The following PCCA variants were observed in gnomAD, a reference collection of about 807,000 sequenced individuals.
The protein encoded by PCCA is propionyl-CoA carboxylase subunit alpha.
Under a neutral mutation model 101.3 loss-of-function variants are expected in PCCA, and 74 were observed. That is an observed-to-expected ratio of 0.73 (90% confidence interval 0.61 to 0.89). The LOEUF (loss-of-function observed/expected upper bound fraction) is 0.89, where lower values mean the gene tolerates loss of function less well. Among genes scored for constraint, PCCA ranks in the 40% least tolerant of loss-of-function variants. The probability of loss-of-function intolerance (pLI) is 0.00; values close to 1 mark genes in which losing one functional copy is unlikely to be tolerated. For synonymous variants in PCCA, 294 were observed against 313.6 expected, an observed-to-expected ratio of 0.94 and a Z score of 0.66; for missense variants, 891 against 907.0, an observed-to-expected ratio of 0.98 and a Z score of 0.23.
chr13:100,511,175 T>A (rs2086450323), intron 21 of PCCA, among the ~76,000 whole-genome samples: 1 of 152,216 alleles, frequency 6.6e-6, no homozygotes, highest in Non-Finnish European at 1.5e-5. Flanking sequence ...CACTGAACTG[T>A]TTTAACTCAT....
intron 19 of PCCA, among the ~76,000 whole-genome samples, chr13:100,396,881 T>G (rs557005891): frequency 5.5e-4 from 84 of 152,212 alleles, no homozygotes; most frequent in African/African-American, 1.8e-3. Flanking sequence ...GAAAGCTGCT[T>G]CTTCTGCCTC....
At chr13:100,504,502 G>C (rs1312386601) in intron 21 of PCCA, among the ~76,000 whole-genome samples, 1 of 152,206 alleles carries the variant, frequency 6.6e-6, no homozygotes, top group East Asian at 1.9e-4. Context: ...GACCCACCCA[G>C]ACAGCCTCCA....
chr13:100,505,176 T>C (rs755976609), intron 21 of PCCA, among the ~76,000 whole-genome samples: 1 of 152,214 alleles, frequency 6.6e-6, no homozygotes, highest in East Asian at 1.9e-4. Context: ...TTCTTAGTAA[T>C]CCTTGAATAC....
intron 8 of PCCA, among the ~76,000 whole-genome samples, chr13:100,250,385 G>A (rs552872872): frequency 2.6e-5 from 4 of 152,022 alleles, no homozygotes; most frequent in Non-Finnish European, 5.9e-5. Context: ...TGTTGAATCA[G>A]CTTTGCATAC....
intron 19 of PCCA, among the ~76,000 whole-genome samples, chr13:100,413,121 C>T (rs1291235208): frequency 6.6e-6 from 1 of 152,116 alleles, no homozygotes; most frequent in Non-Finnish European, 1.5e-5. Context: ...ATATCAAATG[C>T]ATTTATTGTT....
intron 12 of PCCA, among the ~76,000 whole-genome samples, chr13:100,277,587 C>G (rs747473644): frequency 2.0e-5 from 3 of 152,286 alleles, no homozygotes; most frequent in East Asian, 3.9e-4. Context: ...TGACTCTCAA[C>G]ACCCCCCAAA....
chr13:100,348,791 C>CTTCCTTT (rs2072779282), intron 18 of PCCA, among the ~76,000 whole-genome samples: 1 of 49,914 alleles, frequency 2.0e-5, no homozygotes, highest in East Asian at 6.0e-4. Flanking sequence ...TTTCTTTCTT[C>CTTCCTTT]CTTCCTTCCT....
rs571099221 is a variant in PCCA at position 100,318,028 on chromosome 13, C to T, written c.1429+8120C>T. 1.3e-5 allele frequency among the ~76,000 whole-genome samples: 2 copies of T among 152,264 alleles called. 1 individual carries two copies. The highest frequency in any genetic ancestry group is 1.3e-4 in the Admixed American group (2 of 15,300). On this transcript the variant is annotated intron_variant, in intron 16 of 23. Transcript: ENST00000376285. ...TTTTCAGCATATCTCCGCAATTGTC[C>T]CCTAAGGAATTTTTCCATCTTCCCT...
chr13:100,390,257 T>G (rs999266898), intron 19 of PCCA, among the ~76,000 whole-genome samples: 21 of 152,224 alleles, frequency 1.4e-4, no homozygotes, highest in Admixed American at 1.1e-3. Context: ...CTATAAAGCA[T>G]AAGTACTATT....
At chr13:100,511,612 G>C (rs570908596) in intron 21 of PCCA, among the ~76,000 whole-genome samples, 1 of 152,214 alleles carries the variant, frequency 6.6e-6, no homozygotes, top group Non-Finnish European at 1.5e-5. Context: ...TCAGTCAACT[G>C]TACGTGTCCT....
At chr13:100,358,416 T>C (rs2074176652) in intron 18 of PCCA, among the ~76,000 whole-genome samples, 1 of 152,178 alleles carries the variant, frequency 6.6e-6, no homozygotes, top group South Asian at 2.1e-4. Flanking sequence ...GTTTGTTTCA[T>C]GGGCAAGAGC....
chr13:100,381,605 A>G (rs2076231026), intron 19 of PCCA, among the ~76,000 whole-genome samples: 1 of 152,224 alleles, frequency 6.6e-6, no homozygotes, highest in Non-Finnish European at 1.5e-5. Context: ...CTTTATTACT[A>G]TGGTGAATAT....
chr13:100,446,636 C>T (rs545396512), intron 20 of PCCA, among the ~76,000 whole-genome samples: 5 of 152,248 alleles, frequency 3.3e-5, no homozygotes, highest in African/African-American at 1.2e-4. Flanking sequence ...ATCAACCCTC[C>T]GTTCTTAACT....
At chr13:100,363,615 G>C (rs1016429078) in intron 18 of PCCA, among the ~76,000 whole-genome samples, 1 of 152,060 alleles carries the variant, frequency 6.6e-6, no homozygotes, top group Non-Finnish European at 1.5e-5. Flanking sequence ...TATTATTCTC[G>C]ATCATTTTAC....
At chr13:100,101,183 A>G (rs1358183464) in intron 1 of PCCA, among the ~76,000 whole-genome samples, 1 of 152,194 alleles carries the variant, frequency 6.6e-6, no homozygotes, top group South Asian at 2.1e-4. Flanking sequence ...ACAAGTTCAC[A>G]TGTGTGCAAG....
chr13:100,208,506 C>T (rs1032062208), intron 6 of PCCA, among the ~76,000 whole-genome samples: 1 of 152,080 alleles, frequency 6.6e-6, no homozygotes, highest in Admixed American at 6.6e-5. Flanking sequence ...TTATATTTAC[C>T]TTCAGTTCTT....
chr13:100,177,217 G>A (rs1410945073), intron 6 of PCCA, among the ~76,000 whole-genome samples: 1 of 152,214 alleles, frequency 6.6e-6, no homozygotes, highest in African/African-American at 2.4e-5. Flanking sequence ...TCAAGTGACA[G>A]TAAGCACTAC....
At chr13:100,465,449 A>T (rs2082442898) in intron 21 of PCCA, among the ~76,000 whole-genome samples, 1 of 152,210 alleles carries the variant, frequency 6.6e-6, no homozygotes, top group Non-Finnish European at 1.5e-5. Context: ...GATAGGATCT[A>T]AAGTATAATT....
chr13:100,289,225 C>T (rs2152652361), intron 12 of PCCA, among the ~76,000 whole-genome samples: 3 of 152,298 alleles, frequency 2.0e-5, no homozygotes, highest in African/African-American at 7.2e-5. Flanking sequence ...TGACTCATGT[C>T]ATACTGTATC....
Sources: gnomAD v4.1 joint callset for allele counts (sites outside exome capture counted in the v4.1 genomes callset) on GRCh38, gnomAD v4.1.1 for gene constraint, MANE v1.5 for transcripts, NCBI Gene and HGNC (gene_info 2026-07-23, HGNC 2026-07-21) for gene names.